The following LZTFL1 variants were observed in gnomAD, a reference collection of about 807,000 sequenced individuals.
LZTFL1 encodes leucine zipper transcription factor like 1.
In LZTFL1, 25 loss-of-function variants were observed where a neutral mutation model predicts 45.9. The observed-to-expected ratio is 0.54, with a 90% CI of 0.40 to 0.76. The LOEUF is 0.76. Ranked by LOEUF, LZTFL1 falls within the 30% of genes least tolerant of loss-of-function variation. The probability of loss-of-function intolerance (pLI) is 0.00; values close to 1 mark genes in which losing one functional copy is unlikely to be tolerated. For synonymous variants in LZTFL1, 93 were observed against 117.4 expected, an observed-to-expected ratio of 0.79 and a Z score of 1.35; for missense variants, 277 against 331.1, an observed-to-expected ratio of 0.84 and a Z score of 1.27.
At chr3:45,898,030 A>C (rs896644670) in intron 2 of LZTFL1, among the ~76,000 whole-genome samples, 1 of 152,104 alleles carries the variant, frequency 6.6e-6, no homozygotes, top group African/African-American at 2.4e-5. Flanking sequence ...CAAATAACAA[A>C]AAAAAAACTT....
At chr3:45,834,036 C>G (rs1280341436) in intron 4 of LZTFL1, among the ~76,000 whole-genome samples, 1 of 152,184 alleles carries the variant, frequency 6.6e-6, no homozygotes, top group East Asian at 1.9e-4. Context: ...TAAGCCATCA[C>G]AGACAAAAGC....
At chr3:45,904,805 C>T (rs866311130) in intron 2 of LZTFL1, among the ~76,000 whole-genome samples, 1 of 152,192 alleles carries the variant, frequency 6.6e-6, no homozygotes, top group Non-Finnish European at 1.5e-5. Flanking sequence ...TTCTTTTGTG[C>T]TTGCCATCTT....
chr3:45,868,290 T>C (rs1575278497), intron 2 of LZTFL1, among the ~76,000 whole-genome samples: 1 of 151,928 alleles, frequency 6.6e-6, no homozygotes, highest in East Asian at 1.9e-4. Flanking sequence ...TTGAAACCAC[T>C]CGCTTCGTAG....
chr3:45,827,180 G>T, intron 9 of LZTFL1, 176 bp downstream of exon 9: 1 of 583,696 alleles, frequency 1.7e-6, no homozygotes, highest in Non-Finnish European at 3.0e-6. Context: ...AAGCCCTGGT[G>T]GGCATTATAG....
intron 2 of LZTFL1, among the ~76,000 whole-genome samples, chr3:45,903,684 G>A (rs558315089): frequency 7.2e-5 from 11 of 152,284 alleles, no homozygotes; most frequent in African/African-American, 2.6e-4. Flanking sequence ...CAGGGAGGGC[G>A]AAGGGGTGAA....
At chr3:45,849,175 T>C (rs924915434) in intron 4 of LZTFL1, among the ~76,000 whole-genome samples, 1 of 152,192 alleles carries the variant, frequency 6.6e-6, no homozygotes, top group Non-Finnish European at 1.5e-5. Context: ...GATCACCTTT[T>C]AGGAAACCAG....
Position 45,835,784 on chromosome 3 carries a change from C to A in LZTFL1, c.129G>T (p.Arg43Ser). Residue 43 changes from arginine (R) to serine (S), a missense_variant and splice_region_variant, in exon 3 of 10, where the codon AGG (arginine) becomes AGT (serine). Physicochemically the swap from Arg to Ser is moderately radical, Grantham distance 110. Coordinates refer to ENST00000296135, the MANE Select transcript of LZTFL1 (RefSeq NM_020347.4). The part of the protein sequence containing the change: ...DSCFQDLKES[R>S]LVEDTFTIDE... ...CTATGGTGAAGGTGTCCTCCACCAGCCTGAAAAACAACCATGATCCAAAAC... is the reference window on the plus strand; with the variant it reads ...CTATGGTGAAGGTGTCCTCCACCAGACTGAAAAACAACCATGATCCAAAAC... 1 of 1,587,362 alleles carries A rather than the reference C, an allele frequency of 6.3e-7. No homozygotes were observed. Among genetic ancestry groups the A allele is most frequent in the Non-Finnish European group, 8.6e-7 (1 of 1,163,204 alleles).
chr3:45,906,300 A>G (rs2125769095), intron 2 of LZTFL1, among the ~76,000 whole-genome samples: 1 of 152,160 alleles, frequency 6.6e-6, no homozygotes, highest in East Asian at 1.9e-4. Flanking sequence ...CATGGTGTAT[A>G]AGACAGCCAC....
intron 2 of LZTFL1, among the ~76,000 whole-genome samples, chr3:45,893,031 G>A (rs554746248): frequency 1.2e-4 from 19 of 152,238 alleles, no homozygotes; most frequent in South Asian, 1.0e-3. Flanking sequence ...AAGTTCTGAC[G>A]TACATACACC....
At chr3:45,870,147 A>C (rs929411732) in intron 2 of LZTFL1, among the ~76,000 whole-genome samples, 1 of 152,204 alleles carries the variant, frequency 6.6e-6, no homozygotes, top group African/African-American at 2.4e-5. Flanking sequence ...TCAGCCTGGC[A>C]GGAGGGGCAG....
At chr3:45,914,299 T>C (rs1702855010) in intron 1 of LZTFL1, among the ~76,000 whole-genome samples, 1 of 151,876 alleles carries the variant, frequency 6.6e-6, no homozygotes, top group Non-Finnish European at 1.5e-5. Flanking sequence ...TTTTTTTTTT[T>C]TTTTTGAGAC....
At chr3:45,907,383 G>T (rs62245101) in intron 2 of LZTFL1, among the ~76,000 whole-genome samples, 30,413 of 152,172 alleles carry the variant, frequency 0.2, 4,868 homozygotes, top group African/African-American at 0.44. Flanking sequence ...TGCTCCACCA[G>T]CGGCCCTCGC....
Position 45,890,334 on chromosome 3 carries a change from T to TATA in LZTFL1, c.-215+22785_-215+22786insTAT, listed in dbSNP as rs1702130381. Among the ~76,000 whole-genome samples, 2 of 70,048 alleles carry TATA rather than the reference T, an allele frequency of 2.9e-5. 1 individual carries two copies. The highest frequency in any genetic ancestry group is 2.6e-4 in the African/African-American group (2 of 7,700). The allele number at this position is 70,048 out of a possible 152,430, so 46.0% of individuals were successfully genotyped here. On this transcript the variant is annotated intron_variant, in intron 2 of 4. Coordinates refer to the LZTFL1 transcript ENST00000472635. ...ATATATATTTATATAAATATATATA[T>TATA]AACATATATATATAACATATATATA... is the stretch of plus-strand genomic sequence containing the variant.
chr3:45,836,960 A>G (rs904285914), intron 2 of LZTFL1, among the ~76,000 whole-genome samples: 2 of 152,148 alleles, frequency 1.3e-5, no homozygotes, highest in Non-Finnish European at 2.9e-5. Flanking sequence ...TCTACCCTCC[A>G]AAGTCCCTTC....
intron 1 of LZTFL1, among the ~76,000 whole-genome samples, chr3:45,839,566 T>A (rs922787095): frequency 2.0e-5 from 3 of 152,210 alleles, no homozygotes; most frequent in African/African-American, 7.2e-5. Flanking sequence ...GCCTTGACTT[T>A]CACTCATGTT....
rs17855512 is a variant in LZTFL1 at position 45,833,052 on chromosome 3, T to C, written c.454A>G (p.Lys152Glu). ...GTTTCTCAAAATAATAATATTACCT[T>C]GTTTAGGAGTTCTGCTGTTCCACCT... ...NEGGTAELLN[K>E]EILRLQEENE... The change falls in exon 5 of 10, where the codon AAG becomes GAG. Residue 152 changes from lysine (K) to glutamate (E), a missense_variant and splice_region_variant. Lys to Glu is a moderately conservative substitution (Grantham distance 56). Coordinates refer to ENST00000296135, the MANE Select transcript of LZTFL1 (RefSeq NM_020347.4). The C allele has an allele frequency of 6.2e-7, 1 of 1,609,834 alleles. No individual in the cohort carries two copies. The highest frequency in any genetic ancestry group is 8.5e-7 in the Non-Finnish European group (1 of 1,176,328).
At chr3:45,907,276 G>A (rs972082360) in intron 2 of LZTFL1, among the ~76,000 whole-genome samples, 15 of 152,186 alleles carry the variant, frequency 9.9e-5, no homozygotes, top group African/African-American at 3.4e-4. Flanking sequence ...CCTTCTGGGA[G>A]TCACCCTCCA....
intron 1 of LZTFL1, chr3:45,915,404 G>A: frequency 2.4e-6 from 1 of 419,834 alleles, no homozygotes; most frequent in Non-Finnish European, 4.8e-6. Context: ...GGAGAAGACA[G>A]CACCTGCCCC....
chr3:45,910,475 T>A (rs1316098441), intron 2 of LZTFL1, among the ~76,000 whole-genome samples: 1 of 152,162 alleles, frequency 6.6e-6, no homozygotes, highest in East Asian at 1.9e-4. Flanking sequence ...ATGGTAGCCA[T>A]GAGCATGGGA....
Sources: allele counts gnomAD v4.1 joint callset (sites outside exome capture counted in the v4.1 genomes callset), GRCh38; gene constraint gnomAD v4.1.1; transcripts MANE v1.5; gene names NCBI Gene and HGNC (gene_info 2026-07-23, HGNC 2026-07-21).